LSM12: variants seen among roughly 807,000 people sequenced by gnomAD.
LSM12 encodes the protein LSM12 homolog, also known as protein LSM12.
For synonymous variants in LSM12, 74 were observed against 87.3 expected (o/e 0.85, Z 0.85); for missense variants, 108 against 238.9 (o/e 0.45, Z 3.61).
At chr17:44,064,782 A>G (rs2049847760) in intron 1 of LSM12, among the ~76,000 whole-genome samples, 1 of 152,124 alleles carries the variant, frequency 6.6e-6, no homozygotes, top group South Asian at 2.1e-4. Flanking sequence ...CTTCCAACTA[A>G]ACCACTAATG....
Position 44,058,825 on chromosome 17 carries a change from A to G in LSM12, c.258+4976T>C, listed in dbSNP as rs980966591. ...ACTCCAGCCTGGGCAACAGGGCAAG[A>G]CTCCATCTCAAAAAAGAAAGAAAAA... is the stretch of plus-strand genomic sequence containing the variant. On this transcript the variant is annotated intron_variant, in intron 2 of 4. Coordinates refer to ENST00000293406, the MANE Select transcript of LSM12 (RefSeq NM_001371445.1). Among the ~76,000 whole-genome samples, 8 of 151,830 alleles carry G rather than the reference A, an allele frequency of 5.3e-5. No individual in the cohort carries two copies. In the South Asian group the frequency reaches 8.3e-4, roughly 16 times the overall value.
chr17:44,063,081 G>A (rs922884399), intron 2 of LSM12, among the ~76,000 whole-genome samples: 27 of 151,662 alleles, frequency 1.8e-4, no homozygotes, highest in African/African-American at 4.6e-4. Context: ...AAAAAACGCC[G>A]GGCGCAGTGG....
chr17:44,057,634 C>T (rs2049735264), intron 2 of LSM12, among the ~76,000 whole-genome samples: 1 of 151,020 alleles, frequency 6.6e-6, no homozygotes, highest in South Asian at 2.1e-4. Flanking sequence ...GTGGCAGATG[C>T]CTGGAATCCC....
chr17:44,058,244 A>T (rs1012394622), intron 2 of LSM12, among the ~76,000 whole-genome samples: 64 of 151,258 alleles, frequency 4.2e-4, no homozygotes, highest in Middle Eastern at 3.4e-3. Flanking sequence ...CTCAAAAAAA[A>T]AATAATAAAT....
intron 2 of LSM12, among the ~76,000 whole-genome samples, chr17:44,049,933 G>A (rs890117770): frequency 6.6e-6 from 1 of 152,150 alleles, no homozygotes; most frequent in African/African-American, 2.4e-5. Context: ...CTCACAGAGG[G>A]CTTAGGAAAC....
intron 2 of LSM12, among the ~76,000 whole-genome samples, chr17:44,048,383 G>A (rs1446150127): frequency 6.6e-6 from 1 of 151,260 alleles, no homozygotes; most frequent in African/African-American, 2.4e-5. Flanking sequence ...TTGGGAGGCT[G>A]AGGCAGAGGA....
chr17:44,060,949 TAAAG>T (rs1567962667), intron 2 of LSM12, among the ~76,000 whole-genome samples: 1 of 152,120 alleles, frequency 6.6e-6, no homozygotes, highest in African/African-American at 2.4e-5. Context: ...TACTACTCAC[TAAAG>T]ATCTAGTGAC....
chr17:44,036,667 G>A (rs2049418848), intron 4 of LSM12, among the ~76,000 whole-genome samples: 1 of 151,650 alleles, frequency 6.6e-6, no homozygotes, highest in African/African-American at 2.4e-5. Flanking sequence ...CTACAATGTT[G>A]GTCTCTCAAT....
upstream of LSM12, chr17:44,067,311 AC>A (rs2144123990): frequency 6.6e-6 from 1 of 152,440 alleles, no homozygotes; most frequent in African/African-American, 2.4e-5. Context: ...AAACAAACAA[AC>A]AAACAAAAAA....
At position 44,035,677 on chromosome 17, in the gene LSM12, C is replaced by CAAAAAAAAAAAAAAAAAAAAA. The variant is rs71160079; in HGVS notation, c.*530_*531insTTTTTTTTTTTTTTTTTTTTT. On this transcript the variant is annotated 3_prime_UTR_variant, in exon 5 of 5. Coordinates refer to ENST00000293406, the MANE Select transcript of LSM12 (RefSeq NM_001371445.1). Reference sequence around the variant, plus strand: ...AAACTAATTCAAGCCATGCCCTGTGCAAAAAAAAAAAAAAAAAGAAAAAAG... The same window carrying CAAAAAAAAAAAAAAAAAAAAA: ...AAACTAATTCAAGCCATGCCCTGTGCAAAAAAAAAAAAAAAAAAAAAAAAAAAAAAAAAAAAAAGAAAAAAG... The CAAAAAAAAAAAAAAAAAAAAA allele has an allele frequency of 3.4e-5, 2 of 58,068 alleles. No individual in the cohort carries two copies. The highest frequency in any genetic ancestry group is 7.2e-5 in the African/African-American group (1 of 13,882). 3.6% of individuals were successfully genotyped at this position (58,068 alleles called of 1,614,324 possible).
At chr17:44,046,086 G>A (rs2144083121) in intron 2 of LSM12, among the ~76,000 whole-genome samples, 2 of 150,718 alleles carry the variant, frequency 1.3e-5, no homozygotes, top group African/African-American at 2.4e-5. Flanking sequence ...ACAGGCGCCC[G>A]CCACCACGCC....
Position 44,037,401 on chromosome 17 carries a change from C to T in LSM12, c.495+11G>A. 6.3e-7 allele frequency: 1 copy of T among 1,583,822 alleles called. No individual in the cohort carries two copies. The highest frequency in any genetic ancestry group is 1.4e-5 in the African/African-American group (1 of 73,260). On this transcript the variant is annotated intron_variant, in intron 4 of 4. Transcript: ENST00000293406. ...CTCTCTCCCCTAAAGTCTGAAGGCT[C>T]CTTTACTTACTATTTTGCGTACATG...
At chr17:44,064,960 C>T (rs1224825798) in intron 1 of LSM12, among the ~76,000 whole-genome samples, 1 of 151,742 alleles carries the variant, frequency 6.6e-6, no homozygotes, top group South Asian at 2.1e-4. Context: ...GGTGAAACCC[C>T]GTCTCTACTA....
chr17:44,054,346 C>CT (rs1361042084), intron 2 of LSM12, among the ~76,000 whole-genome samples: 1 of 152,168 alleles, frequency 6.6e-6, no homozygotes, highest in Non-Finnish European at 1.5e-5. Context: ...GGGTCTCACT[C>CT]TGTCACCCAG....
chr17:44,037,379 T>C (rs1342158213), intron 4 of LSM12, 33 bp downstream of exon 4: 1 of 1,549,074 alleles, frequency 6.5e-7, no homozygotes, highest in African/African-American at 1.4e-5. Flanking sequence ...AACCATCCTC[T>C]CTCCCCTAAA....
At chr17:44,047,697 G>A (rs180752019) in intron 2 of LSM12, among the ~76,000 whole-genome samples, 44 of 151,478 alleles carry the variant, frequency 2.9e-4, no homozygotes, top group Admixed American at 2.5e-3. Flanking sequence ...CAAGCATCTG[G>A]AACCACAAGC....
chr17:44,037,351 A>C, intron 4 of LSM12, 61 bp downstream of exon 4: 1 of 1,512,800 alleles, frequency 6.6e-7, no homozygotes, highest in Non-Finnish European at 8.8e-7. Context: ...TCTGGTGCTA[A>C]AGACTGAAGG....
chr17:44,041,334 A>ACACACACACACAAACACAC (rs2049491143), intron 2 of LSM12, among the ~76,000 whole-genome samples: 2 of 104,546 alleles, frequency 1.9e-5, no homozygotes, highest in African/African-American at 3.8e-5. Context: ...CACACACACA[A>ACACACACACACAAACACAC]ACACACACAC....
chr17:44,042,171 C>T (rs1160178482), intron 2 of LSM12, among the ~76,000 whole-genome samples: 1 of 151,936 alleles, frequency 6.6e-6, no homozygotes, highest in Non-Finnish European at 1.5e-5. Context: ...CCTGTAATCC[C>T]GCCTACTCAG....
Sources: gnomAD v4.1 joint callset for allele counts (sites outside exome capture counted in the v4.1 genomes callset) on GRCh38, gnomAD v4.1.1 for gene constraint, MANE v1.5 for transcripts, NCBI Gene and HGNC (gene_info 2026-07-23, HGNC 2026-07-21) for gene names.